NOTCH1: variants seen among roughly 807,000 people sequenced by gnomAD.
NOTCH1 encodes the protein notch receptor 1.
In NOTCH1, 37 loss-of-function variants were observed where a neutral mutation model predicts 254.8. That is an observed-to-expected ratio of 0.15 (90% CI 0.11 to 0.19). The LOEUF (loss-of-function observed/expected upper bound fraction) is 0.19. Among genes scored for constraint, NOTCH1 ranks in the 10% least tolerant of loss-of-function variants. NOTCH1 has a pLI of 1.00. For synonymous variants in NOTCH1, 1,731 were observed against 1,618.1 expected (o/e 1.07, Z -1.68); for missense variants, 2,972 against 3,708.6 (o/e 0.80, Z 5.16).
chr9:136,499,702 C>T (rs975873676), intron 31 of NOTCH1, among the ~76,000 whole-genome samples: 4 of 152,202 alleles, frequency 2.6e-5, no homozygotes, highest in African/African-American at 9.7e-5. Flanking sequence ...TGTAATGCAG[C>T]CGGGTCTTGG....
At position 136,496,091 on chromosome 9, in the gene NOTCH1, T is replaced by C. The variant is rs188270459; in HGVS notation, c.7648A>G (p.Ile2550Val). The C allele has an allele frequency of 2.0e-4, 323 of 1,606,536 alleles. No homozygotes were observed. The African/African-American group carries it at 3.6e-3, about 18-fold the overall frequency. ...PTSMQSQIAR[I>V]PEAFK ...GCCGTTTACTTGAAGGCCTCCGGAA[T>C]GCGGGCGATCTGGGACTGCATGCTG... Residue 2550 changes from isoleucine to valine, a missense_variant, in exon 34 of 34, where the codon ATT becomes GTT. Coordinates refer to ENST00000651671, the MANE Select transcript of NOTCH1 (RefSeq NM_017617.5).
chr9:136,518,925 T>C, intron 5 of NOTCH1, 101 bp from the exon 6 acceptor site: 1 of 1,003,990 alleles, frequency 1.0e-6, no homozygotes, highest in Non-Finnish European at 1.5e-6. Context: ...CAGGAAGCCT[T>C]CCTGGGCTGA....
In NOTCH1 at chr9:136,509,768, G is replaced by T. The variant is rs762399415; in HGVS notation, c.2934C>A (p.Ile978=). 1 of 1,613,088 alleles carries T rather than the reference G, an allele frequency of 6.2e-7. No homozygotes were observed. Among genetic ancestry groups the T allele is most frequent in the South Asian group, 1.1e-5 (1 of 91,088 alleles). Residue 978 remains isoleucine (I), a synonymous_variant, in exon 18 of 34, where the codon ATC becomes ATA. Transcript: ENST00000651671. ...AGTCAGGCGTGTTGTTCTCACAGTG[G>T]ATCCCGCTGAAGCCTGCGGGGCAGG... is the stretch of plus-strand genomic sequence containing the variant. ...TCTCPAGFSG[I]HCENNTPDCT...
intron 5 of NOTCH1, 131 bp from the exon 6 acceptor site, chr9:136,518,955 C>G: frequency 1.3e-6 from 1 of 742,544 alleles, no homozygotes; most frequent in East Asian, 2.7e-5. Context: ...CCACCGCCAG[C>G]CTAAATCACT....
chr9:136,534,056 G>A (rs1013507557), intron 2 of NOTCH1, among the ~76,000 whole-genome samples: 4 of 152,232 alleles, frequency 2.6e-5, no homozygotes, highest in Non-Finnish European at 2.9e-5. Flanking sequence ...ATCTCGGCAC[G>A]AGGGCGACCG....
At chr9:136,509,635 G>T (rs1193724148) in intron 18 of NOTCH1, 98 bp downstream of exon 18, 6 of 1,098,784 alleles carry the variant, frequency 5.5e-6, no homozygotes, top group Middle Eastern at 2.1e-4. Flanking sequence ...TGCCCAGCCG[G>T]CCTAGGCGGA....
At chr9:136,523,214 G>A (rs536728571) in intron 3 of NOTCH1, 26 bp from the exon 4 acceptor site, 103 of 1,571,244 alleles carry the variant, frequency 6.6e-5, no homozygotes, top group South Asian at 9.3e-5. Flanking sequence ...CAAGAGGGTC[G>A]TGCTGGCCTC....
chr9:136,515,802 C>A, intron 10 of NOTCH1, 86 bp from the exon 11 acceptor site: 1 of 1,330,802 alleles, frequency 7.5e-7, no homozygotes, highest in Non-Finnish European at 1.0e-6. Flanking sequence ...TCACCTGTGC[C>A]AACCTGAGGA....
chr9:136,524,015 C>T, intron 2 of NOTCH1, 36 bp from the exon 3 acceptor site: 1 of 1,536,726 alleles, frequency 6.5e-7, no homozygotes, highest in Non-Finnish European at 8.7e-7. Flanking sequence ...TAGTTCCCAC[C>T]TGCTTCCCCA....
chr9:136,534,714 A>C (rs1413267971), intron 2 of NOTCH1, among the ~76,000 whole-genome samples: 1 of 151,932 alleles, frequency 6.6e-6, no homozygotes, highest in Non-Finnish European at 1.5e-5. Flanking sequence ...CCACTCACAG[A>C]CTGTGATTGC....
chr9:136,543,995 G>A (rs1376544976), intron 2 of NOTCH1, 29 bp downstream of exon 2: 5 of 1,552,022 alleles, frequency 3.2e-6, no homozygotes. Context: ...CCTCGACAAA[G>A]CAACAGGTCC....
rs748043575 is a variant in NOTCH1 at position 136,503,340 on chromosome 9, C to T, written c.5019-10G>A. 7.4e-6 allele frequency: 12 copies of T among 1,611,456 alleles called. No individual in the cohort carries two copies. The highest frequency in any genetic ancestry group is 2.7e-5 in the African/African-American group (2 of 74,006). On this transcript the variant is annotated splice_polypyrimidine_tract_variant and intron_variant, in intron 26 of 33. Transcript: ENST00000651671. ...CAGGTAGACGATGGAGCTGGGCGGA[C>T]AATCAGAGAGGGGCTGGGACCCGAG...
At chr9:136,544,344 A>G (rs958221049) in intron 1 of NOTCH1, among the ~76,000 whole-genome samples, 8 of 152,174 alleles carry the variant, frequency 5.3e-5, no homozygotes, top group African/African-American at 1.9e-4. Context: ...GGGGAAGGGG[A>G]GCAGCAGGGA....
rs1167825861 is a variant in NOTCH1, at chr9:136,545,531, C to CG, written c.61+194dup. 6.6e-6 allele frequency among the ~76,000 whole-genome samples: 1 copy of CG among 151,878 alleles called. No homozygotes were observed. The highest frequency in any genetic ancestry group is 1.5e-5 in the Non-Finnish European group (1 of 67,904). Reference sequence around the variant, plus strand: ...CACGGGCGGCGCGAGTCCGCCTCCACGGGGGGATCGAGGGGGAAGGTCGGT... The same window carrying CG: ...CACGGGCGGCGCGAGTCCGCCTCCACGGGGGGGATCGAGGGGGAAGGTCGGT... On this transcript the variant is annotated intron_variant, in intron 1 of 33. Transcript: ENST00000651671. This position sits in a 1 kb window ranked among gnomAD's most constrained non-coding sequence, Gnocchi z 6.8.
chr9:136,515,778 G>T lies in NOTCH1; in HGVS notation c.1670-62C>A. ...GACTGGCGGCCCCCGGGACACCCAT[G>T]ACCAGACCTGGGGTCACCTGTGCCA... On this transcript the variant is annotated intron_variant, in intron 10 of 33. Coordinates refer to ENST00000651671, the MANE Select transcript of NOTCH1 (RefSeq NM_017617.5). 3 of 1,454,996 alleles carry T rather than the reference G, an allele frequency of 2.1e-6. No individual in the cohort carries two copies. In the South Asian group the frequency reaches 3.7e-5, roughly 18 times the overall value. 90.1% of individuals were successfully genotyped at this position (1,454,996 alleles called of 1,614,324 possible).
chr9:136,534,159 C>T (rs1025061670), intron 2 of NOTCH1, among the ~76,000 whole-genome samples: 9 of 152,324 alleles, frequency 5.9e-5, no homozygotes, highest in East Asian at 1.9e-4. Context: ...CCTGCAGGGC[C>T]GCTGCACTCA....
Position 136,507,970 on chromosome 9 carries a change from G to C in NOTCH1, c.3495C>G (p.Gly1165=). ...QNGATCTDYL[G]GYSCKCVAGY... ...GGACCCCCACCTTGCAGGAGTAGCC[G>C]CCCAGGTAGTCCGTGCAGGTGGCCC... The change falls in exon 21 of 34, where the codon GGC becomes GGG. Residue 1165 remains glycine, a synonymous_variant. Coordinates refer to ENST00000651671, the MANE Select transcript of NOTCH1 (RefSeq NM_017617.5). 6.2e-7 allele frequency: 1 copy of C among 1,612,688 alleles called. No individual in the cohort carries two copies. Among genetic ancestry groups the C allele is most frequent in the Non-Finnish European group, 8.5e-7 (1 of 1,180,002 alleles).
intron 2 of NOTCH1, among the ~76,000 whole-genome samples, chr9:136,534,111 C>T (rs189094325): frequency 1.6e-4 from 25 of 152,262 alleles, no homozygotes; most frequent in Middle Eastern, 3.4e-3. Context: ...TGGGATGTGG[C>T]GGGAGACGGG....
rs1060504524 is a variant in NOTCH1, at chr9:136,498,995, G to C, written c.6084C>G (p.Gly2028=). ...CGGCGGCCCAGTGCAGGGCGGACTT[G>C]CCTGCGTGAAAGAAGCAGATGGGGT... The part of the protein sequence containing the change: ...HADVNAVDDL[G]KSALHWAAAV... The change falls in exon 33 of 34, where the codon GGC becomes GGG. Residue 2028 remains glycine (G), a splice_region_variant and synonymous_variant. Coordinates refer to ENST00000651671, the MANE Select transcript of NOTCH1 (RefSeq NM_017617.5). 1 of 1,613,182 alleles carries C rather than the reference G, an allele frequency of 6.2e-7. No homozygotes were observed. The highest frequency in any genetic ancestry group is 2.2e-5 in the East Asian group (1 of 44,898).
Sources: gnomAD v4.1 joint callset for allele counts (sites outside exome capture counted in the v4.1 genomes callset) on GRCh38, gnomAD v4.1.1 for gene constraint, Gnocchi (gnomAD v3.1) non-coding constraint, MANE v1.5 for transcripts, NCBI Gene and HGNC (gene_info 2026-07-23, HGNC 2026-07-21) for gene names.